Variants in ZNF462 observed in about 807,000 individuals in gnomAD.
ZNF462 encodes zinc finger PBX1-interacting protein.
ZNF462 carries 10 observed loss-of-function variants against 201.9 expected under a neutral mutation model. That is an observed-to-expected ratio of 0.05 (90% CI 0.03 to 0.08). ZNF462 has a LOEUF of 0.08. Among genes scored for constraint, ZNF462 ranks in the 10% least tolerant of loss-of-function variants. The pLI, the probability that ZNF462 is intolerant of heterozygous loss-of-function variation, is 1.00. For missense variants in ZNF462, 2,523 were observed against 3,168.3 expected (o/e 0.80, Z 4.89); for synonymous variants, 1,227 against 1,193.3 (o/e 1.03, Z -0.58).
intron 7 of ZNF462, among the ~76,000 whole-genome samples, chr9:106,952,723 A>G (rs1444934109): frequency 6.6e-6 from 1 of 152,254 alleles, no homozygotes; most frequent in Non-Finnish European, 1.5e-5. Flanking sequence ...ATTTTTAATT[A>G]ATGATAACTA....
intron 1 of ZNF462, among the ~76,000 whole-genome samples, chr9:106,899,079 A>G (rs546255863): frequency 6.6e-6 from 1 of 152,166 alleles, no homozygotes; most frequent in South Asian, 2.1e-4. Flanking sequence ...GAGAATTTAA[A>G]TAGTTTGTCA....
At chr9:106,863,081 A>G (rs923991338), upstream of ZNF462, 2 of 378,302 alleles carry the variant, frequency 5.3e-6, no homozygotes, top group Non-Finnish European at 9.3e-6. Flanking sequence ...GAGAGAGGGG[A>G]GAGAGAGAGT....
Position 106,978,506 on chromosome 9 carries a change from A to C in ZNF462, c.6832+4233A>C, listed in dbSNP as rs1462150655. On this transcript the variant is annotated intron_variant, in intron 9 of 12. Transcript: ENST00000277225. This position sits in a 1 kb window ranked among gnomAD's most constrained non-coding sequence, Gnocchi z 4.1. ...AATTTAGCAAAGGTTGAAGCAAAGG[A>C]TTGGTAGACCCATCTCATTCAGGAA... Among the ~76,000 whole-genome samples, 1 of 151,562 alleles carries C rather than the reference A, an allele frequency of 6.6e-6. No individual in the cohort carries two copies. The highest frequency in any genetic ancestry group is 1.9e-4 in the East Asian group (1 of 5,194).
chr9:106,982,999 A>G (rs1434565599), intron 9 of ZNF462, among the ~76,000 whole-genome samples: 4 of 152,220 alleles, frequency 2.6e-5, no homozygotes, highest in Non-Finnish European at 5.9e-5. Flanking sequence ...TCTAAATAAT[A>G]TAAGTATATG....
At position 106,970,683 on chromosome 9, in the gene ZNF462, G is replaced by A. The variant is rs1428130710; in HGVS notation, c.6428-1322G>A. Reference sequence around the variant, plus strand: ...TGTGTGGTATTCATGGACTTCATTTGTGTCATTCATAGGCAGCTGTAGGTT... The same window carrying A: ...TGTGTGGTATTCATGGACTTCATTTATGTCATTCATAGGCAGCTGTAGGTT... On this transcript the variant is annotated intron_variant, in intron 7 of 12. Coordinates refer to ENST00000277225, the MANE Select transcript of ZNF462 (RefSeq NM_021224.6). The surrounding 1 kb of genome is among the most constrained non-coding windows in gnomAD (Gnocchi z 4.2). 6.6e-6 allele frequency among the ~76,000 whole-genome samples: 1 copy of A among 152,126 alleles called. No homozygotes were observed. The highest frequency in any genetic ancestry group is 1.5e-5 in the Non-Finnish European group (1 of 68,032).
chr9:106,923,545 G>A lies in ZNF462; in HGVS notation c.162G>A (p.Gln54=), dbSNP rs765258455. 1.5e-5 allele frequency: 24 copies of A among 1,614,128 alleles called. No individual in the cohort carries two copies. In the South Asian group the frequency reaches 2.4e-4, roughly 16 times the overall value. ...LRCGSVNASN[Q]TEVEFSSIKD... ...GTGGGTCCGTGAATGCCAGTAATCA[G>A]ACAGAGGTGGAGTTTTCTTCTATAA... is the stretch of plus-strand genomic sequence containing the variant. Residue 54 remains glutamine (Q), a synonymous_variant, in exon 2 of 13, where the codon CAG becomes CAA. Coordinates refer to ENST00000277225, the MANE Select transcript of ZNF462 (RefSeq NM_021224.6). This position sits in a 1 kb window ranked among gnomAD's most constrained non-coding sequence, Gnocchi z 5.6.
intron 10 of ZNF462, among the ~76,000 whole-genome samples, chr9:106,994,253 T>G (rs1828521500): frequency 6.6e-6 from 1 of 152,118 alleles, no homozygotes; most frequent in South Asian, 2.1e-4. Flanking sequence ...ATATCTTACT[T>G]TTTGCCAGTT....
rs139573267 is a variant in ZNF462 at position 106,925,489 on chromosome 9, A to T, written c.1577A>T (p.Asn526Ile). ...GVVSYESSSI[N>I]GRKSGVMLDP... ...GTGTCTTATGAGAGCTCAAGCATCA[A>T]TGGTAGAAAGTCAGGAGTCATGTTG... The change falls in exon 3 of 13, where the codon AAT (asparagine) becomes ATT (isoleucine). Residue 526 changes from asparagine to isoleucine, a missense_variant. Coordinates refer to ENST00000277225, the MANE Select transcript of ZNF462 (RefSeq NM_021224.6). The surrounding 1 kb of genome is among the most constrained non-coding windows in gnomAD (Gnocchi z 7.9). 7 of 1,614,012 alleles carry T rather than the reference A, an allele frequency of 4.3e-6. No individual in the cohort carries two copies. The African/African-American group carries it at 9.3e-5, about 22-fold the overall frequency.
rs1832194752 is a variant in ZNF462, at chr9:106,968,828, T to C, written c.6428-3177T>C. Among the ~76,000 whole-genome samples, 1 of 152,084 alleles carries C rather than the reference T, an allele frequency of 6.6e-6. No homozygotes were observed. Among genetic ancestry groups the C allele is most frequent in the Non-Finnish European group, 1.5e-5 (1 of 68,032 alleles). Reference sequence around the variant, plus strand: ...TCCTTAAGCTCAAAATGAAAGAAAATAGTCTTAATGATGATTTTTAACTTA... The same window carrying C: ...TCCTTAAGCTCAAAATGAAAGAAAACAGTCTTAATGATGATTTTTAACTTA... On this transcript the variant is annotated intron_variant, in intron 7 of 12. Coordinates refer to ENST00000277225, the MANE Select transcript of ZNF462 (RefSeq NM_021224.6). The surrounding 1 kb of genome is among the most constrained non-coding windows in gnomAD (Gnocchi z 4.0).
rs1002154916 is a variant in ZNF462, at chr9:106,895,468, C to T, written c.-30-27886C>T. Among the ~76,000 whole-genome samples, 3 of 152,204 alleles carry T rather than the reference C, an allele frequency of 2.0e-5. No homozygotes were observed. The highest frequency in any genetic ancestry group is 1.3e-4 in the Admixed American group (2 of 15,288). On this transcript the variant is annotated intron_variant, in intron 1 of 12. Transcript: ENST00000277225. The surrounding 1 kb of genome is among the most constrained non-coding windows in gnomAD (Gnocchi z 4.4). ...TTAGCAGCCTGTTTCCCACCATCCT[C>T]TTCACCTCTAGGAGTCCCTCATGAT...
chr9:106,953,043 G>A (rs1490853712), intron 7 of ZNF462, among the ~76,000 whole-genome samples: 2 of 152,148 alleles, frequency 1.3e-5, no homozygotes, highest in African/African-American at 4.8e-5. Context: ...TGAACCCCAG[G>A]AAAGTGCTCT....
chr9:106,982,082 G>A (rs1050516912), intron 9 of ZNF462, among the ~76,000 whole-genome samples: 1 of 152,288 alleles, frequency 6.6e-6, no homozygotes, highest in Admixed American at 6.5e-5. Flanking sequence ...CCAGCATGGG[G>A]GCAGTTCCCC....
chr9:107,010,893 A>C lies in ZNF462; in HGVS notation c.7384A>C (p.Lys2462Gln), dbSNP rs181658974. 1.9e-6 allele frequency: 3 copies of C among 1,613,620 alleles called. No individual in the cohort carries two copies. In the East Asian group the frequency reaches 6.7e-5, roughly 36 times the overall value. The stretch of plus-strand genomic sequence containing the variant: ...AAAAGAGATCATGGAGAACAGTGTT[A>C]AAATGCCCTCCATAGAGGAAAAGGA... ...HPKEIMENSV[K>Q]MPSIEEKEDD... Residue 2462 changes from lysine (K) to glutamine (Q), a missense_variant, in exon 13 of 13, where the codon AAA becomes CAA. Physicochemically the swap from Lys to Gln is moderately conservative, Grantham distance 53. Coordinates refer to ENST00000277225, the MANE Select transcript of ZNF462 (RefSeq NM_021224.6). The surrounding 1 kb of genome is among the most constrained non-coding windows in gnomAD (Gnocchi z 4.6).
chr9:106,866,672 C>T (rs1827345450), intron 1 of ZNF462, among the ~76,000 whole-genome samples: 1 of 152,106 alleles, frequency 6.6e-6, no homozygotes, highest in Admixed American at 6.5e-5. Context: ...CATTTTTGAA[C>T]ATTATCTTTT....
Position 106,984,693 on chromosome 9 carries a change from G to C in ZNF462, c.7056+284G>C, listed in dbSNP as rs562927563. Reference sequence around the variant, plus strand: ...CTAGACCCACTTTCATTTGTTTTACGTAATTGTGATTATACTATACATAAA... The same window carrying C: ...CTAGACCCACTTTCATTTGTTTTACCTAATTGTGATTATACTATACATAAA... On this transcript the variant is annotated intron_variant, in intron 10 of 12. Transcript: ENST00000277225. This position sits in a 1 kb window ranked among gnomAD's most constrained non-coding sequence, Gnocchi z 6.4. Among the ~76,000 whole-genome samples, 4 of 152,216 alleles carry C rather than the reference G, an allele frequency of 2.6e-5. No homozygotes were observed. In the South Asian group the frequency reaches 8.3e-4, roughly 32 times the overall value.
At chr9:106,989,910 G>C (rs753462224) in intron 10 of ZNF462, among the ~76,000 whole-genome samples, 7 of 151,894 alleles carry the variant, frequency 4.6e-5, no homozygotes, top group Non-Finnish European at 2.9e-5. Context: ...TCTTAATGAG[G>C]TTATTTGGAT....
At chr9:106,996,150 CT>C (rs1339621200) in intron 10 of ZNF462, among the ~76,000 whole-genome samples, 1 of 152,048 alleles carries the variant, frequency 6.6e-6, no homozygotes, top group Admixed American at 6.6e-5. Flanking sequence ...TGAACTCATC[CT>C]TTTTTATGGC....
intron 11 of ZNF462, among the ~76,000 whole-genome samples, chr9:107,007,484 G>T (rs1302764634): frequency 6.6e-6 from 1 of 152,180 alleles, no homozygotes. Context: ...AAGCCCTCAG[G>T]GTGGAGAAGC....
In ZNF462 at chr9:106,978,239, T is replaced by C. The variant is rs10978689; in HGVS notation, c.6832+3966T>C. On this transcript the variant is annotated intron_variant, in intron 9 of 12. Coordinates refer to ENST00000277225, the MANE Select transcript of ZNF462 (RefSeq NM_021224.6). This position sits in a 1 kb window ranked among gnomAD's most constrained non-coding sequence, Gnocchi z 4.1. ...TTATGGGGGACACTCTTCAACCCAC[T>C]ACACGAGGGAAGAGACAATTTAATA... Among the ~76,000 whole-genome samples, 26,027 of 151,352 alleles carry C rather than the reference T, an allele frequency of 0.17. 3,164 individuals carry two copies. Among genetic ancestry groups the C allele is most frequent in the African/African-American group, 0.3 (12,287 of 40,692 alleles).
Sources: allele counts gnomAD v4.1 joint callset (sites outside exome capture counted in the v4.1 genomes callset), GRCh38; gene constraint gnomAD v4.1.1; non-coding constraint Gnocchi (gnomAD v3.1); transcripts MANE v1.5; gene names NCBI Gene and HGNC (gene_info 2026-07-23, HGNC 2026-07-21).